SCAPER: variants seen among roughly 807,000 people sequenced by gnomAD.
SCAPER encodes S-phase cyclin A associated protein in the ER.
In SCAPER, 98 loss-of-function variants were observed where a neutral mutation model predicts 182.2. That is an observed-to-expected ratio of 0.54 (90% CI 0.46 to 0.64). The LOEUF (loss-of-function observed/expected upper bound fraction) is 0.64, where lower values mean the gene tolerates loss of function less well. Ranked by LOEUF, SCAPER falls within the 30% of genes least tolerant of loss-of-function variation. SCAPER has a pLI of 0.00. For missense variants in SCAPER, 1,432 were observed against 1,690.0 expected (o/e 0.85, Z 2.68); for synonymous variants, 605 against 564.6 (o/e 1.07, Z -1.01).
intron 26 of SCAPER, among the ~76,000 whole-genome samples, chr15:76,417,875 G>A (rs542730462): frequency 2.4e-4 from 36 of 152,212 alleles, no homozygotes; most frequent in African/African-American, 8.2e-4. Context: ...AAAATTAGCT[G>A]GGCGTGGTGG....
chr15:76,416,491 GAA>G (rs55778050), intron 26 of SCAPER, among the ~76,000 whole-genome samples: 84 of 147,848 alleles, frequency 5.7e-4, no homozygotes, highest in African/African-American at 1.7e-3. Flanking sequence ...TCCATCTCAA[GAA>G]AAAAAAAAAA....
chr15:76,441,831 C>A (rs190128713), intron 25 of SCAPER, among the ~76,000 whole-genome samples: 1 of 152,166 alleles, frequency 6.6e-6, no homozygotes, highest in African/African-American at 2.4e-5. Context: ...CTCTCTCTCT[C>A]AGAATATAAG....
intron 20 of SCAPER, among the ~76,000 whole-genome samples, chr15:76,669,317 T>C (rs1024340008): frequency 2.0e-5 from 3 of 152,194 alleles, no homozygotes; most frequent in Admixed American, 6.5e-5. Flanking sequence ...TGGTATACTA[T>C]ACCTTTATAC....
At chr15:76,865,681 G>A (rs2072236630) in intron 2 of SCAPER, among the ~76,000 whole-genome samples, 1 of 152,052 alleles carries the variant, frequency 6.6e-6, no homozygotes, top group Admixed American at 6.6e-5. Flanking sequence ...ACAGGTTTCG[G>A]TACAAAAATG....
chr15:76,615,002 A>C (rs2051320993), intron 22 of SCAPER, among the ~76,000 whole-genome samples: 1 of 152,234 alleles, frequency 6.6e-6, no homozygotes, highest in African/African-American at 2.4e-5. Flanking sequence ...TATGGCACTA[A>C]ATTGGATAAC....
chr15:76,353,813 A>AT (rs2040772988), intron 30 of SCAPER, 136 bp downstream of exon 30: 11 of 688,288 alleles, frequency 1.6e-5, no homozygotes, highest in Non-Finnish European at 2.4e-5. Flanking sequence ...TTAGAAATCA[A>AT]TTTTGGAGCA....
chr15:76,584,720 A>G (rs2048506039), intron 22 of SCAPER, among the ~76,000 whole-genome samples: 1 of 152,022 alleles, frequency 6.6e-6, no homozygotes, highest in Non-Finnish European at 1.5e-5. Context: ...ATTTTTACTT[A>G]TTTATTTATT....
intron 26 of SCAPER, among the ~76,000 whole-genome samples, chr15:76,426,263 A>T (rs1261403018): frequency 6.6e-6 from 1 of 152,220 alleles, no homozygotes; most frequent in African/African-American, 2.4e-5. Flanking sequence ...GGCTCCACCC[A>T]GTTCGAGCTT....
At chr15:76,682,459 A>G (rs562823083) in intron 20 of SCAPER, among the ~76,000 whole-genome samples, 3 of 152,142 alleles carry the variant, frequency 2.0e-5, no homozygotes, top group East Asian at 3.9e-4. Context: ...GCGAGTGCAA[A>G]CACAAATGCT....
At chr15:76,535,521 CAAAAAAAAAAA>C (rs56660301) in intron 23 of SCAPER, among the ~76,000 whole-genome samples, 9 of 46,638 alleles carry the variant, frequency 1.9e-4, no homozygotes, top group East Asian at 1.3e-3. Flanking sequence ...GACTCTGTCT[CAAAAAAAAAAA>C]AAAAAAAAAA....
At chr15:76,729,622 T>G (rs554117013) in intron 16 of SCAPER, among the ~76,000 whole-genome samples, 1 of 152,276 alleles carries the variant, frequency 6.6e-6, no homozygotes, top group Admixed American at 6.5e-5. Flanking sequence ...GACCCCATTA[T>G]TCACTAGCAC....
At chr15:76,590,735 C>T (rs2049044145) in intron 22 of SCAPER, among the ~76,000 whole-genome samples, 1 of 152,130 alleles carries the variant, frequency 6.6e-6, no homozygotes, top group Non-Finnish European at 1.5e-5. Flanking sequence ...GATACCTGCA[C>T]TTGTATGTTT....
At position 76,599,668 on chromosome 15, in the gene SCAPER, T is replaced by C. The variant is rs781409889; in HGVS notation, c.2711+22096A>G. Among the ~76,000 whole-genome samples the C allele has an allele frequency of 3.3e-5, 4 of 122,272 alleles. 1 individual carries two copies. Among genetic ancestry groups the C allele is most frequent in the Non-Finnish European group, 8.0e-5 (4 of 50,284 alleles). The allele number at this position is 122,272 out of a possible 152,430, so 80.2% of individuals were successfully genotyped here. Reference sequence around the variant, plus strand: ...CATTTATAGCAAGCTCTACAACAGATGATTCTCATCTGTGGTGAAAGACAA... The same window carrying C: ...CATTTATAGCAAGCTCTACAACAGACGATTCTCATCTGTGGTGAAAGACAA... On this transcript the variant is annotated intron_variant, in intron 22 of 31. Transcript: ENST00000563290.
intron 23 of SCAPER, among the ~76,000 whole-genome samples, chr15:76,556,318 A>G (rs2046194114): frequency 6.6e-6 from 1 of 152,122 alleles, no homozygotes; most frequent in East Asian, 1.9e-4. Flanking sequence ...CACCAGAATG[A>G]ACTAGAAAAA....
At chr15:76,634,632 T>C (rs540779499) in intron 21 of SCAPER, among the ~76,000 whole-genome samples, 16 of 152,332 alleles carry the variant, frequency 1.1e-4, no homozygotes, top group Admixed American at 3.3e-4. Context: ...ATAACGTTTG[T>C]AGTTTCCAAC....
chr15:76,487,391 G>C (rs967305095), intron 24 of SCAPER, among the ~76,000 whole-genome samples: 1 of 152,080 alleles, frequency 6.6e-6, no homozygotes, highest in Non-Finnish European at 1.5e-5. Flanking sequence ...TGAATATATG[G>C]AGCACAATGA....
At chr15:76,903,122 C>T (rs1005959391) in intron 1 of SCAPER, among the ~76,000 whole-genome samples, 2 of 151,700 alleles carry the variant, frequency 1.3e-5, no homozygotes, top group Non-Finnish European at 1.5e-5. Context: ...TCTTACTTAT[C>T]TTTAAAACAT....
intron 17 of SCAPER, among the ~76,000 whole-genome samples, chr15:76,715,791 C>G (rs1042970194): frequency 3.3e-5 from 5 of 152,120 alleles, no homozygotes; most frequent in Non-Finnish European, 7.4e-5. Context: ...ACCCTGCCCC[C>G]CAAGGTCAGA....
chr15:76,465,709 C>T (rs1182628734), intron 25 of SCAPER, among the ~76,000 whole-genome samples: 3 of 152,070 alleles, frequency 2.0e-5, no homozygotes, highest in Non-Finnish European at 2.9e-5. Flanking sequence ...TCAAGTCTTA[C>T]ATTTAAGTGT....
Sources: allele counts gnomAD v4.1 joint callset (sites outside exome capture counted in the v4.1 genomes callset), GRCh38; gene constraint gnomAD v4.1.1; transcripts MANE v1.5; gene names NCBI Gene and HGNC (gene_info 2026-07-23, HGNC 2026-07-21).